Variants in RECQL5 observed in about 807,000 individuals in gnomAD.
RECQL5 encodes the protein RecQ like helicase 5.
A neutral mutation model predicts 103.4 loss-of-function variants in RECQL5; 88 were observed. The ratio of observed to expected loss-of-function variants is 0.85; its 90% confidence interval spans 0.72 to 1.02. The LOEUF is 1.02. RECQL5 is among the 50% of genes least tolerant of loss of function. RECQL5 has a pLI of 0.00. For synonymous variants in RECQL5, 552 were observed against 507.9 expected, an observed-to-expected ratio of 1.09 and a Z score of -1.17; for missense variants, 1,232 against 1,284.3, an observed-to-expected ratio of 0.96 and a Z score of 0.62.
intron 7 of RECQL5, among the ~76,000 whole-genome samples, chr17:75,657,463 T>C (rs1400807432): frequency 2.0e-5 from 3 of 151,650 alleles, no homozygotes; most frequent in African/African-American, 7.3e-5. Flanking sequence ...AAAGACAATA[T>C]TAAGGCCGGG....
rs1287510995 is a variant in RECQL5 at position 75,640,239 on chromosome 17, T to C, written c.1230-8571A>G. 5 of 1,551,040 alleles carry C rather than the reference T, an allele frequency of 3.2e-6. No individual in the cohort carries two copies. The African/African-American group carries it at 5.5e-5, about 17-fold the overall frequency. On this transcript the variant is annotated intron_variant, in intron 8 of 19. Coordinates refer to ENST00000317905, the MANE Select transcript of RECQL5 (RefSeq NM_004259.7). The surrounding 1 kb of genome is among the most constrained non-coding windows in gnomAD (Gnocchi z 4.6). Reference sequence around the variant, plus strand: ...GACTTCGTGCAGGAGATGCGCGCCGTGGGCGAGAGGCTGCTGCTCAAGCTG... The same window carrying C: ...GACTTCGTGCAGGAGATGCGCGCCGCGGGCGAGAGGCTGCTGCTCAAGCTG...
At position 75,629,126 on chromosome 17, in the gene RECQL5, C is replaced by A. The variant is rs200403434; in HGVS notation, c.2297G>T (p.Arg766Leu). 6.2e-7 allele frequency: 1 copy of A among 1,613,748 alleles called. No individual in the cohort carries two copies. Among genetic ancestry groups the A allele is most frequent in the East Asian group, 2.2e-5 (1 of 44,884 alleles). ...GCTTTCCACCCTTCGGCAGAAGAAG[C>A]GGGCGATGCTCTGAGAATCCTTGTG... The part of the protein sequence containing the change: ...AAHKDSQSIA[R>L]FFCRRVESPA... The change falls in exon 16 of 20, where the codon CGC becomes CTC. Residue 766 changes from arginine (R) to leucine (L), a missense_variant. Coordinates refer to ENST00000317905, the MANE Select transcript of RECQL5 (RefSeq NM_004259.7).
chr17:75,650,559 C>G, intron 8 of RECQL5: 1 of 1,538,042 alleles, frequency 6.5e-7, no homozygotes, highest in Middle Eastern at 1.7e-4. Context: ...CCGACAGGAT[C>G]ATTCCATGAG....
intron 5 of RECQL5, 128 bp downstream of exon 5, chr17:75,661,478 C>T: frequency 1.4e-6 from 1 of 692,550 alleles, no homozygotes; most frequent in South Asian, 1.7e-5. Flanking sequence ...AAGTGTATCA[C>T]TTTAGCTCTG....
chr17:75,647,690 C>G, intron 8 of RECQL5: 1 of 869,688 alleles, frequency 1.1e-6, no homozygotes, highest in South Asian at 1.8e-5. Context: ...CCTTTCCCAT[C>G]AGGAAAAAGT....
At chr17:75,631,705 A>T in intron 8 of RECQL5, 37 bp from the exon 9 acceptor site, 1 of 1,593,464 alleles carries the variant, frequency 6.3e-7, no homozygotes, top group Non-Finnish European at 8.6e-7. Context: ...AGGGGCGGAG[A>T]GCCCAGTCGG....
In RECQL5 at chr17:75,628,668, G is replaced by GC. The variant is rs1312640876; in HGVS notation, c.2580+3dup. On this transcript the variant is annotated splice_donor_region_variant and intron_variant, in intron 17 of 19. Transcript: ENST00000317905. ...CTCCCCAACAGACTCATCCCTGCCG[G>GC]CACCTGCTGGGATCGAGGCCGCTTG... The GC allele has an allele frequency of 6.3e-7, 1 of 1,582,966 alleles. No homozygotes were observed. Among genetic ancestry groups the GC allele is most frequent in the Non-Finnish European group, 8.5e-7 (1 of 1,171,342 alleles).
chr17:75,631,114 G>A (rs2059205002), intron 10 of RECQL5, 36 bp downstream of exon 10: 5 of 1,611,540 alleles, frequency 3.1e-6, no homozygotes, highest in Non-Finnish European at 3.4e-6. Flanking sequence ...GGGGCCACCA[G>A]GGGCCCCACA....
At chr17:75,653,057 T>C (rs2059574875) in intron 7 of RECQL5, among the ~76,000 whole-genome samples, 1 of 152,166 alleles carries the variant, frequency 6.6e-6, no homozygotes, top group African/African-American at 2.4e-5. Context: ...AGCCCCATCT[T>C]TGGTGGTGGG....
chr17:75,645,001 T>G (rs377753216), intron 8 of RECQL5, among the ~76,000 whole-genome samples: 1 of 152,254 alleles, frequency 6.6e-6, no homozygotes, highest in Non-Finnish European at 1.5e-5. Flanking sequence ...TGGCCTTTTC[T>G]CTGAGTGTGG....
At chr17:75,630,935 G>A (rs1324774040) in intron 11 of RECQL5, 39 bp downstream of exon 11, 8 of 1,609,934 alleles carry the variant, frequency 5.0e-6, no homozygotes, top group East Asian at 4.5e-5. Flanking sequence ...CATGCCCCGG[G>A]AAGAGCCCAC....
chr17:75,650,052 C>T (rs956598408), intron 8 of RECQL5: 97 of 985,506 alleles, frequency 9.8e-5, no homozygotes, highest in Non-Finnish European at 1.2e-4. Context: ...TTTCAGCAAA[C>T]AGGACTCACA....
At chr17:75,635,741 C>T in intron 8 of RECQL5, 1 of 964,228 alleles carries the variant, frequency 1.0e-6, no homozygotes, top group Non-Finnish European at 1.2e-6. Context: ...TGACTAAAAC[C>T]CACCATGACG....
chr17:75,665,080 C>T lies in RECQL5; in HGVS notation c.223G>A (p.Val75Ile), dbSNP rs1214969853. The T allele has an allele frequency of 3.1e-6, 5 of 1,611,462 alleles. No individual in the cohort carries two copies. Among genetic ancestry groups the T allele is most frequent in the African/African-American group, 1.3e-5 (1 of 74,716 alleles). Residue 75 changes from valine to isoleucine, a missense_variant, in exon 3 of 20, where the codon GTA becomes ATA. Coordinates refer to ENST00000317905, the MANE Select transcript of RECQL5 (RefSeq NM_004259.7). ...PALLAKGITIVVSPLIALIQD... is the reference protein window; with the variant it reads ...PALLAKGITIIVSPLIALIQD... Reference sequence around the variant, plus strand: ...ATCAAAGCAATGAGAGGAGAGACTACAATGGTGATGCCTTTGGCCAACAGA... The same window carrying T: ...ATCAAAGCAATGAGAGGAGAGACTATAATGGTGATGCCTTTGGCCAACAGA...
At position 75,658,369 on chromosome 17, in the gene RECQL5, G is replaced by C; in HGVS notation, c.1078C>G (p.Arg360Gly). 4 of 1,613,980 alleles carry C rather than the reference G, an allele frequency of 2.5e-6. No homozygotes were observed. The highest frequency in any genetic ancestry group is 2.5e-6 in the Non-Finnish European group (3 of 1,179,950). The change falls in exon 7 of 20, where the codon CGT (arginine) becomes GGT (glycine). Residue 360 changes from arginine to glycine, a missense_variant. Physicochemically the swap from Arg to Gly is moderately radical, Grantham distance 125. Coordinates refer to ENST00000317905, the MANE Select transcript of RECQL5 (RefSeq NM_004259.7). Reference sequence around the variant, plus strand: ...CGGTCATTCCTGGAGTAATAGAGACGGCACCAGGAAGGCTTCCCATCCCTG... The same window carrying C: ...CGGTCATTCCTGGAGTAATAGAGACCGCACCAGGAAGGCTTCCCATCCCTG... ...AGRDGKPSWCRLYYSRNDRDQ... is the reference protein window; with the variant it reads ...AGRDGKPSWCGLYYSRNDRDQ...
chr17:75,628,759 G>C lies in RECQL5; in HGVS notation c.2493C>G (p.Thr831=), dbSNP rs1253236103. 6.3e-7 allele frequency: 1 copy of C among 1,598,716 alleles called. No individual in the cohort carries two copies. Among genetic ancestry groups the C allele is most frequent in the Non-Finnish European group, 8.5e-7 (1 of 1,176,352 alleles). Residue 831 remains threonine (T), a synonymous_variant, in exon 17 of 20, where the codon ACC becomes ACG. Transcript: ENST00000317905. ...TEECLRERPS[T]CPPRDQGTPE... ...GGGTGCCCTGGTCTCTGGGCGGGCA[G>C]GTGCTGGTAGAGGGAAGAGCAGGCA...
chr17:75,650,637 C>A lies in RECQL5; in HGVS notation c.1229+549G>T, dbSNP rs201936870. The A allele has an allele frequency of 1.3e-5, 21 of 1,613,492 alleles. No individual in the cohort carries two copies. The highest frequency in any genetic ancestry group is 1.8e-5 in the Non-Finnish European group (21 of 1,179,708). On this transcript the variant is annotated intron_variant, in intron 8 of 19. Transcript: ENST00000317905. ...TCCTCCTGGGTGTCTCTCCTGCAGG[C>A]ACTCACAGCTCCGCATGCCTGGACA...
At chr17:75,632,183 T>A (rs982540975) in intron 8 of RECQL5, among the ~76,000 whole-genome samples, 1 of 152,214 alleles carries the variant, frequency 6.6e-6, no homozygotes, top group African/African-American at 2.4e-5. Flanking sequence ...TCCCCTACGA[T>A]TCTAACACTG....
rs759025522 is a variant in RECQL5 at position 75,651,140 on chromosome 17, A to G, written c.1229+46T>C. 6 of 1,613,960 alleles carry G rather than the reference A, an allele frequency of 3.7e-6. No individual in the cohort carries two copies. The Admixed American group carries it at 1.0e-4, about 27-fold the overall frequency. On this transcript the variant is annotated intron_variant, in intron 8 of 19. Coordinates refer to ENST00000317905, the MANE Select transcript of RECQL5 (RefSeq NM_004259.7). The stretch of plus-strand genomic sequence containing the variant: ...TAACTAGGGCGTGCCGGGGAAGTAA[A>G]TGATCTCACTGACACTTTGCTCCAC...
Sources: gnomAD v4.1 joint callset for allele counts (sites outside exome capture counted in the v4.1 genomes callset) on GRCh38, gnomAD v4.1.1 for gene constraint, Gnocchi (gnomAD v3.1) non-coding constraint, MANE v1.5 for transcripts, NCBI Gene and HGNC (gene_info 2026-07-23, HGNC 2026-07-21) for gene names.